Variants in PKIB observed in about 807,000 individuals in gnomAD.
PKIB encodes cAMP-dependent protein kinase inhibitor beta.
A neutral mutation model predicts 4.5 loss-of-function variants in PKIB; 2 were observed. That is an observed-to-expected ratio of 0.44 (90% CI 0.18 to 1.39). PKIB has a LOEUF of 1.39. Among genes scored for constraint, PKIB ranks in the 40% most tolerant of loss-of-function variants. The pLI is 0.27. For missense variants in PKIB, 94 were observed against 92.6 expected, an observed-to-expected ratio of 1.02 and a Z score of -0.06; for synonymous variants, 38 against 36.0, an observed-to-expected ratio of 1.06 and a Z score of -0.20.
At chr6:122,720,081 A>G (rs1427132917) in intron 4 of PKIB, among the ~76,000 whole-genome samples, 3 of 152,186 alleles carry the variant, frequency 2.0e-5, no homozygotes, top group African/African-American at 7.2e-5. Context: ...TGAAAGCGGG[A>G]GTCTGTCTCA....
intron 2 of PKIB, among the ~76,000 whole-genome samples, chr6:122,533,729 C>T (rs982477804): frequency 2.6e-5 from 4 of 152,156 alleles, no homozygotes; most frequent in African/African-American, 7.2e-5. Flanking sequence ...AAAGCTAACT[C>T]GTGAGAACAT....
At chr6:122,712,684 G>T (rs560420526) in intron 3 of PKIB, among the ~76,000 whole-genome samples, 1 of 152,272 alleles carries the variant, frequency 6.6e-6, no homozygotes, top group South Asian at 2.1e-4. Context: ...TAGCGGGCAA[G>T]AAGTTTATTT....
intron 2 of PKIB, among the ~76,000 whole-genome samples, chr6:122,541,069 T>G (rs1294003054): frequency 6.6e-6 from 1 of 151,544 alleles, no homozygotes; most frequent in African/African-American, 2.4e-5. Flanking sequence ...TTTGAGCCTA[T>G]GTGTGTCTCT....
At chr6:122,628,684 T>C (rs1214558120) in intron 1 of PKIB, among the ~76,000 whole-genome samples, 1 of 151,818 alleles carries the variant, frequency 6.6e-6, no homozygotes, top group Non-Finnish European at 1.5e-5. Context: ...CATACTTTAT[T>C]GGACTGCACC....
chr6:122,575,806 A>G (rs934379576), intron 2 of PKIB, among the ~76,000 whole-genome samples: 6 of 152,148 alleles, frequency 3.9e-5, no homozygotes, highest in African/African-American at 7.2e-5. Context: ...ATTGGGTACA[A>G]TGTGTACTGC....
intron 2 of PKIB, among the ~76,000 whole-genome samples, chr6:122,564,503 T>G (rs1269614491): frequency 1.3e-5 from 2 of 152,160 alleles, no homozygotes; most frequent in African/African-American, 4.8e-5. Flanking sequence ...GACTAAGTGG[T>G]TTATTTGTTT....
chr6:122,717,863 G>T lies in PKIB; in HGVS notation c.69G>T (p.Arg23Ser). Reference sequence around the variant, plus strand: ...TCGCCAATTTTGCATCTTCAGCAAGGGCAGGCCGCCGGAATGCCTTACCAG... The same window carrying T: ...TCGCCAATTTTGCATCTTCAGCAAGTGCAGGCCGCCGGAATGCCTTACCAG... ...SGVANFASSA[R>S]AGRRNALPDI... Residue 23 changes from arginine (R) to serine (S), a missense_variant, in exon 4 of 5, where the codon AGG becomes AGT. Arg to Ser is a moderately radical substitution (Grantham distance 110, BLOSUM62 -1). Coordinates refer to ENST00000368452, the MANE Select transcript of PKIB (RefSeq NM_181795.3). The T allele has an allele frequency of 6.2e-7, 1 of 1,614,028 alleles. No homozygotes were observed. Among genetic ancestry groups the T allele is most frequent in the Non-Finnish European group, 8.5e-7 (1 of 1,179,982 alleles).
chr6:122,635,129 C>CGT (rs1775864267), intron 2 of PKIB, among the ~76,000 whole-genome samples: 2 of 152,120 alleles, frequency 1.3e-5, no homozygotes, highest in Non-Finnish European at 2.9e-5. Context: ...TTAAAACTAA[C>CGT]ATAAAATAAT....
chr6:122,532,939 A>T (rs939562155), intron 2 of PKIB, among the ~76,000 whole-genome samples: 1 of 152,066 alleles, frequency 6.6e-6, no homozygotes, highest in Non-Finnish European at 1.5e-5. Flanking sequence ...ATGACTAGTG[A>T]TCTTGAACAT....
chr6:122,528,170 G>T (rs932582906), intron 2 of PKIB, among the ~76,000 whole-genome samples: 2 of 152,112 alleles, frequency 1.3e-5, no homozygotes, highest in Non-Finnish European at 2.9e-5. Flanking sequence ...AGGCTGTTTT[G>T]TCTACTATAC....
intron 2 of PKIB, among the ~76,000 whole-genome samples, chr6:122,661,275 A>G (rs918893490): frequency 2.0e-5 from 3 of 152,184 alleles, no homozygotes; most frequent in African/African-American, 7.2e-5. Flanking sequence ...ACGCACTGTC[A>G]TGTCACCACA....
chr6:122,688,849 C>T (rs1778201100), intron 3 of PKIB, among the ~76,000 whole-genome samples: 7 of 150,354 alleles, frequency 4.7e-5, no homozygotes, highest in African/African-American at 1.5e-4. Context: ...GGCGCGATCT[C>T]GGCTCACTGC....
intron 2 of PKIB, among the ~76,000 whole-genome samples, chr6:122,510,677 A>G (rs1036346229): frequency 1.3e-5 from 2 of 152,156 alleles, no homozygotes; most frequent in Non-Finnish European, 2.9e-5. Flanking sequence ...AATTTCAAGG[A>G]GAGAAAGTGG....
At position 122,697,379 on chromosome 6, in the gene PKIB, C is replaced by T. The variant is rs117827659; in HGVS notation, c.-8-20408C>T. 9.2e-5 allele frequency among the ~76,000 whole-genome samples: 14 copies of T among 152,066 alleles called. No individual in the cohort carries two copies. The East Asian group carries it at 2.7e-3, about 30-fold the overall frequency. On this transcript the variant is annotated intron_variant, in intron 3 of 4. Coordinates refer to ENST00000368452, the MANE Select transcript of PKIB (RefSeq NM_181795.3). ...TACAATTGATCACTTGATGCTTTGA[C>T]ATCAGTTTAAATCTTGATGATAACT...
At chr6:122,704,126 G>A (rs192953110) in intron 3 of PKIB, among the ~76,000 whole-genome samples, 2 of 151,996 alleles carry the variant, frequency 1.3e-5, no homozygotes, top group Non-Finnish European at 2.9e-5. Context: ...TGAGTTTAAG[G>A]CAAAAGATTG....
At chr6:122,514,253 T>C (rs906737809) in intron 2 of PKIB, among the ~76,000 whole-genome samples, 1 of 152,206 alleles carries the variant, frequency 6.6e-6, no homozygotes, top group African/African-American at 2.4e-5. Flanking sequence ...ATTCTCAGTA[T>C]GCTTTCCTTT....
chr6:122,630,096 T>G (rs1345944204), intron 1 of PKIB, among the ~76,000 whole-genome samples: 2 of 152,176 alleles, frequency 1.3e-5, no homozygotes, highest in Non-Finnish European at 2.9e-5. Flanking sequence ...TTCAAATTTT[T>G]TTTTGTAAAT....
At chr6:122,622,027 T>C (rs559471398) in intron 1 of PKIB, among the ~76,000 whole-genome samples, 1 of 152,166 alleles carries the variant, frequency 6.6e-6, no homozygotes, top group South Asian at 2.1e-4. Flanking sequence ...TGAATTTGAG[T>C]TAGGGTGTGT....
chr6:122,541,741 T>C (rs1025196970), intron 2 of PKIB, among the ~76,000 whole-genome samples: 3 of 152,026 alleles, frequency 2.0e-5, no homozygotes, highest in African/African-American at 4.8e-5. Context: ...CCTTGCTAGA[T>C]TGGGGACGTT....
Sources: gnomAD v4.1 joint callset for allele counts (sites outside exome capture counted in the v4.1 genomes callset) on GRCh38, gnomAD v4.1.1 for gene constraint, MANE v1.5 for transcripts, NCBI Gene and HGNC (gene_info 2026-07-23, HGNC 2026-07-21) for gene names.